Variants in USB1 observed in about 807,000 individuals in gnomAD.
USB1 encodes the protein U6 snRNA phosphodiesterase 1.
A neutral mutation model predicts 29.9 loss-of-function variants in USB1; 21 were observed. The observed-to-expected ratio is 0.70, with a 90% confidence interval of 0.50 to 1.01. The LOEUF is 1.01. USB1 is among the 50% of genes least tolerant of loss of function. USB1 has a pLI of 0.00. For synonymous variants in USB1, 143 were observed against 134.9 expected, an observed-to-expected ratio of 1.06 and a Z score of -0.42; for missense variants, 330 against 347.1, an observed-to-expected ratio of 0.95 and a Z score of 0.39.
At chr16:58,011,753 T>C in intron 3 of USB1, 1 of 987,516 alleles carries the variant, frequency 1.0e-6, no homozygotes, top group Non-Finnish European at 1.2e-6. Flanking sequence ...CCTGTGTCCA[T>C]CTTCCTTCCT....
chr16:58,004,105 A>G (rs1026989669), intron 2 of USB1, among the ~76,000 whole-genome samples: 2 of 152,096 alleles, frequency 1.3e-5, no homozygotes, highest in Non-Finnish European at 2.9e-5. Context: ...TTCTGTGTCC[A>G]TTTTGAGTTA....
chr16:58,016,752 G>C (rs555372502), intron 4 of USB1: 2 of 180,244 alleles, frequency 1.1e-5, no homozygotes, highest in East Asian at 2.7e-4. Flanking sequence ...TAACGTGGAG[G>C]TTGTTGGCAA....
chr16:58,008,563 C>T (rs898871567), intron 2 of USB1, among the ~76,000 whole-genome samples: 1 of 151,440 alleles, frequency 6.6e-6, no homozygotes, highest in Non-Finnish European at 1.5e-5. Flanking sequence ...AAGTGGTTCT[C>T]CTGTCTCAGC....
intron 3 of USB1, 155 bp downstream of exon 3, chr16:58,010,267 G>A (rs1206501428): frequency 1.4e-5 from 12 of 875,494 alleles, no homozygotes; most frequent in East Asian, 8.0e-5. Flanking sequence ...CTCATCCTCC[G>A]TGACCTTGGG....
intron 5 of USB1, 66 bp from the exon 6 acceptor site, chr16:58,018,905 AC>A: frequency 6.7e-7 from 1 of 1,496,928 alleles, no homozygotes; most frequent in Admixed American, 1.7e-5. Flanking sequence ...TCTGTCACAG[AC>A]CTGCTGTGAG....
At chr16:58,012,372 G>A (rs1175055211) in intron 3 of USB1, 1 of 1,500,894 alleles carries the variant, frequency 6.7e-7, no homozygotes, top group Non-Finnish European at 9.0e-7. Flanking sequence ...AAACCAAAGA[G>A]AAATTTATAG....
rs73546966 is a variant in USB1, at chr16:58,013,317, G to C, written c.450-956G>C. ...CTTCCTAAAAGCTGCACTTAACCAA[G>C]CTCCTGGTGGTTCTGTGATCCCTTA... On this transcript the variant is annotated intron_variant, in intron 3 of 6. Coordinates refer to ENST00000219281, the MANE Select transcript of USB1 (RefSeq NM_024598.4). This position sits in a 1 kb window ranked among gnomAD's most constrained non-coding sequence, Gnocchi z 4.3. 2 of 985,350 alleles carry C rather than the reference G, an allele frequency of 2.0e-6. No homozygotes were observed. Among genetic ancestry groups the C allele is most frequent in the Non-Finnish European group, 2.4e-6 (2 of 829,966 alleles). 61.0% of individuals were successfully genotyped at this position (985,350 alleles called of 1,614,324 possible). A position where few individuals can be genotyped will look rare whatever the true frequency, so the allele number is the denominator to read the frequency against.
At chr16:58,015,510 T>C (rs1255207141) in intron 4 of USB1, 1 of 152,188 alleles carries the variant, frequency 6.6e-6, no homozygotes, top group Non-Finnish European at 1.5e-5. Flanking sequence ...TGCACAAGTT[T>C]GTTAAGCACC....
intron 4 of USB1, chr16:58,016,720 G>A (rs1963624639): frequency 5.8e-6 from 1 of 173,528 alleles, no homozygotes; most frequent in Non-Finnish European, 1.3e-5. Flanking sequence ...GAGGCGGACA[G>A]CGAAGTGTCC....
chr16:58,002,700 A>G (rs1055631801), intron 2 of USB1, 55 bp downstream of exon 2: 2 of 1,610,378 alleles, frequency 1.2e-6, no homozygotes, highest in Admixed American at 1.7e-5. Context: ...TAGGTGCCTC[A>G]TGAAGGGCAG....
intron 1 of USB1, 45 bp downstream of exon 1, chr16:58,001,626 T>A (rs781769871): frequency 1.3e-6 from 2 of 1,562,156 alleles, no homozygotes; most frequent in East Asian, 2.4e-5. Context: ...GCATTCACCC[T>A]AGAGCCAGAC....
Position 58,017,325 on chromosome 16 carries a change from T to C in USB1, c.504-9T>C. ...ACATCTCATGCCTGCGTTGTCTTCC[T>C]CTCCCCAGGACCTTTATTGGGCTTG... On this transcript the variant is annotated splice_polypyrimidine_tract_variant and intron_variant, in intron 4 of 6. Transcript: ENST00000219281. The C allele has an allele frequency of 6.2e-7, 1 of 1,613,168 alleles. No homozygotes were observed. Among genetic ancestry groups the C allele is most frequent in the Admixed American group, 1.7e-5 (1 of 60,016 alleles).
chr16:58,018,156 CAG>C (rs1305896849), intron 5 of USB1, among the ~76,000 whole-genome samples: 2 of 151,286 alleles, frequency 1.3e-5, no homozygotes, highest in Non-Finnish European at 2.9e-5. Flanking sequence ...GCCTAAATAA[CAG>C]AAATTTATTT....
At position 58,010,086 on chromosome 16, in the gene USB1, G is replaced by A. The variant is rs774712588; in HGVS notation, c.423G>A (p.Leu141=). 8.7e-6 allele frequency: 14 copies of A among 1,613,944 alleles called. No individual in the cohort carries two copies. Among genetic ancestry groups the A allele is most frequent in the Non-Finnish European group, 1.2e-5 (14 of 1,180,014 alleles). The part of the protein sequence containing the change: ...HHWILPFVQA[L]KARMTSFHRF... Reference sequence around the variant, plus strand: ...GGATCCTCCCCTTCGTGCAGGCTCTGAAAGCCCGTATGACCTCCTTCCACA... The same window carrying A: ...GGATCCTCCCCTTCGTGCAGGCTCTAAAAGCCCGTATGACCTCCTTCCACA... The change falls in exon 3 of 7, where the codon CTG becomes CTA. Residue 141 remains leucine, a synonymous_variant. Transcript: ENST00000219281.
chr16:58,005,370 T>C (rs1015383469), intron 2 of USB1, among the ~76,000 whole-genome samples: 6 of 152,172 alleles, frequency 3.9e-5, no homozygotes, highest in African/African-American at 1.2e-4. Context: ...ACGCTACCGT[T>C]AGACCACGGT....
At chr16:58,009,018 G>A (rs1963428363) in intron 2 of USB1, among the ~76,000 whole-genome samples, 1 of 152,082 alleles carries the variant, frequency 6.6e-6, no homozygotes, top group African/African-American at 2.4e-5. Flanking sequence ...GACATTGTAT[G>A]GTTTCTAGTC....
At position 58,001,511 on chromosome 16, in the gene USB1, A is replaced by G. The variant is rs2142288653; in HGVS notation, c.28A>G (p.Ser10Gly). Reference sequence around the variant, plus strand: ...GAGCGCGGCGCCCCTGGTGGGCTACAGCAGCAGCGGCTCCGAGGATGAGTC... The same window carrying G: ...GAGCGCGGCGCCCCTGGTGGGCTACGGCAGCAGCGGCTCCGAGGATGAGTC... Reference protein sequence around the residue: MSAAPLVGYSSSGSEDESED... With the variant: MSAAPLVGYGSSGSEDESED... Residue 10 changes from serine (S) to glycine (G), a missense_variant, in exon 1 of 7, where the codon AGC (serine) becomes GGC (glycine). By Grantham distance (56) the Ser-to-Gly change is moderately conservative. Coordinates refer to ENST00000219281, the MANE Select transcript of USB1 (RefSeq NM_024598.4). 6.2e-7 allele frequency: 1 copy of G among 1,607,434 alleles called. No individual in the cohort carries two copies. Among genetic ancestry groups the G allele is most frequent in the Non-Finnish European group, 8.5e-7 (1 of 1,177,496 alleles).
upstream of USB1, among the ~76,000 whole-genome samples, chr16:58,000,665 A>AGACGGGCG (rs1208453394): frequency 7.2e-6 from 1 of 139,712 alleles, no homozygotes; most frequent in Non-Finnish European, 1.6e-5. The surrounding 1 kb of genome is among the most constrained non-coding windows in gnomAD (Gnocchi z 4.5). Flanking sequence ...GGCCTTGCGG[A>AGACGGGCG]GACGGGCGGA....
intron 2 of USB1, among the ~76,000 whole-genome samples, chr16:58,007,224 G>A (rs1264649425): frequency 6.6e-6 from 1 of 152,190 alleles, no homozygotes; most frequent in Non-Finnish European, 1.5e-5. Flanking sequence ...CTGGCCTCAT[G>A]GAATAAGTCA....
Sources: gnomAD v4.1 joint callset for allele counts (sites outside exome capture counted in the v4.1 genomes callset) on GRCh38, gnomAD v4.1.1 for gene constraint, Gnocchi (gnomAD v3.1) non-coding constraint, MANE v1.5 for transcripts, NCBI Gene and HGNC (gene_info 2026-07-23, HGNC 2026-07-21) for gene names.